ISY1: variants seen among roughly 807,000 people sequenced by gnomAD.
ISY1 encodes pre-mRNA-splicing factor ISY1 homolog.
ISY1 carries 12 observed loss-of-function variants against 54.4 expected under a neutral mutation model. The ratio of observed to expected loss-of-function variants is 0.22; its 90% confidence interval spans 0.14 to 0.36. The LOEUF (loss-of-function observed/expected upper bound fraction) is 0.36. ISY1 is among the 10% of genes least tolerant of loss of function. The probability of loss-of-function intolerance (pLI) is 1.00; values close to 1 mark genes in which losing one functional copy is unlikely to be tolerated. For missense variants in ISY1, 282 were observed against 342.2 expected (o/e 0.82, Z 1.39); for synonymous variants, 96 against 117.9 (o/e 0.81, Z 1.20).
rs1254112986 is a variant in ISY1 at position 129,160,348 on chromosome 3, T to C, written c.3+625A>G. 5.9e-5 allele frequency among the ~76,000 whole-genome samples: 9 copies of C among 152,210 alleles called. No homozygotes were observed. In the East Asian group the frequency reaches 1.7e-3, roughly 29 times the overall value. On this transcript the variant is annotated intron_variant, in intron 1 of 10. Transcript: ENST00000393295. ...GTACCAATCATCTTTGTACCGGCAC[T>C]ACGTGTATTCTTAAATTTACACGTC...
intron 5 of ISY1, among the ~76,000 whole-genome samples, chr3:129,152,561 G>A (rs185260565): frequency 2.5e-4 from 38 of 152,106 alleles, no homozygotes; most frequent in African/African-American, 7.9e-4. Context: ...CTGCCACCAC[G>A]CCCGGCTAAT....
At chr3:129,150,659 G>C (rs1378903114) in intron 5 of ISY1, among the ~76,000 whole-genome samples, 2 of 151,910 alleles carry the variant, frequency 1.3e-5, no homozygotes, top group Non-Finnish European at 2.9e-5. Context: ...CTTGCAGTGA[G>C]CTGCACTCCA....
intron 6 of ISY1, among the ~76,000 whole-genome samples, chr3:129,141,291 C>A (rs906477115): frequency 3.0e-4 from 45 of 151,810 alleles, no homozygotes; most frequent in African/African-American, 1.1e-3. Flanking sequence ...CTCTGGGACA[C>A]CAAGGTGGGA....
At chr3:129,157,842 AC>A in intron 3 of ISY1, among the ~76,000 whole-genome samples, 1 of 151,962 alleles carries the variant, frequency 6.6e-6, no homozygotes, top group East Asian at 1.9e-4. Flanking sequence ...AAGTGTACAG[AC>A]TCTCAAGAGC....
intron 9 of ISY1, 77 bp downstream of exon 9, chr3:129,133,995 GGA>G: frequency 6.3e-7 from 1 of 1,591,848 alleles, no homozygotes; most frequent in South Asian, 1.1e-5. Flanking sequence ...TCTGTATTTG[GGA>G]GCCAAGTTTC....
intron 6 of ISY1, among the ~76,000 whole-genome samples, chr3:129,142,230 T>C (rs1490349249): frequency 2.0e-5 from 3 of 149,620 alleles, no homozygotes; most frequent in African/African-American, 7.4e-5. Context: ...AAAAAGACGA[T>C]TTGACAACTA....
chr3:129,157,716 C>CA (rs1265760940), intron 3 of ISY1, among the ~76,000 whole-genome samples: 13,603 of 41,590 alleles, frequency 0.33, 1,548 homozygotes, highest in Non-Finnish European at 0.38. Context: ...GCGTCCATCT[C>CA]AAAAAAAAAA....
rs763141383 is a variant in ISY1 at position 129,134,930 on chromosome 3, C to T, written c.443G>A (p.Arg148His). 17 of 1,609,460 alleles carry T rather than the reference C, an allele frequency of 1.1e-5. No homozygotes were observed. The highest frequency in any genetic ancestry group is 1.3e-5 in the African/African-American group (1 of 74,896). Reference sequence around the variant, plus strand: ...ATCGATTGCCTTCATGAGCTCAGCACGTGTCTTTCTGGGAGGAGGAAGAGC... The same window carrying T: ...ATCGATTGCCTTCATGAGCTCAGCATGTGTCTTTCTGGGAGGAGGAAGAGC... ...KEPLPPPRKT[R>H]AELMKAIDFE... The change falls in exon 8 of 11, where the codon CGT becomes CAT. Residue 148 changes from arginine (R) to histidine (H), a missense_variant. Physicochemically the swap from Arg to His is conservative, Grantham distance 29. This residue lies in a region of ISY1 where 279 missense variants were observed against 323.6 expected (regional missense o/e 0.86). Coordinates refer to ENST00000393295, the MANE Select transcript of ISY1 (RefSeq NM_020701.4).
chr3:129,143,551 A>G (rs1012804904), intron 6 of ISY1, among the ~76,000 whole-genome samples: 17 of 151,252 alleles, frequency 1.1e-4, no homozygotes, highest in African/African-American at 2.2e-4. Context: ...AACAATATAC[A>G]TATCTATCAT....
intron 5 of ISY1, among the ~76,000 whole-genome samples, chr3:129,147,616 T>A (rs1429798428): frequency 1.3e-5 from 2 of 151,842 alleles, no homozygotes; most frequent in Admixed American, 6.6e-5. Flanking sequence ...ACAAGTTTTA[T>A]TTTTTTTATT....
rs1368280197 is a variant in ISY1 at position 129,129,970 on chromosome 3, A to C, written c.*111T>G. On this transcript the variant is annotated 3_prime_UTR_variant, in exon 11 of 11. Coordinates refer to ENST00000393295, the MANE Select transcript of ISY1 (RefSeq NM_020701.4). ...CAACATGAGACAAGGAGAGGGAAGG[A>C]AGGCTGAGAATGGGGCAGGAGCCCT... is the stretch of plus-strand genomic sequence containing the variant. 3 of 775,846 alleles carry C rather than the reference A, an allele frequency of 3.9e-6. No individual in the cohort carries two copies. The highest frequency in any genetic ancestry group is 6.1e-6 in the Non-Finnish European group (3 of 490,984). The allele number at this position is 775,846 out of a possible 1,614,324, so 48.1% of individuals were successfully genotyped here. A position where few individuals can be genotyped will look rare whatever the true frequency, so the allele number is the denominator to read the frequency against.
intron 5 of ISY1, among the ~76,000 whole-genome samples, chr3:129,151,040 T>C (rs1936950801): frequency 6.6e-6 from 1 of 150,936 alleles, no homozygotes; most frequent in Non-Finnish European, 1.5e-5. Flanking sequence ...CAGAATAGCT[T>C]GAACCTGGGA....
chr3:129,153,722 G>C (rs1295162052), intron 5 of ISY1, among the ~76,000 whole-genome samples: 2 of 152,078 alleles, frequency 1.3e-5, no homozygotes, highest in Admixed American at 6.6e-5. Flanking sequence ...GGAGGCAGAG[G>C]CTGCGGTGAG....
chr3:129,160,398 G>A (rs1576897324), intron 1 of ISY1, among the ~76,000 whole-genome samples: 1 of 151,718 alleles, frequency 6.6e-6, no homozygotes, highest in South Asian at 2.1e-4. Flanking sequence ...AAGAAATGAA[G>A]AAACCAACAA....
At chr3:129,158,060 T>C (rs1352059989) in intron 3 of ISY1, among the ~76,000 whole-genome samples, 1 of 151,986 alleles carries the variant, frequency 6.6e-6, no homozygotes, top group South Asian at 2.1e-4. Flanking sequence ...GGTTTCACCA[T>C]GTTAGCCAGG....
intron 7 of ISY1, 141 bp downstream of exon 7, chr3:129,140,227 G>T (rs1936566038): frequency 1.3e-6 from 1 of 754,246 alleles, no homozygotes; most frequent in Non-Finnish European, 2.1e-6. Flanking sequence ...AGAATTCTCA[G>T]TTAAAATCTG....
chr3:129,140,008 G>A (rs142336484), intron 7 of ISY1, among the ~76,000 whole-genome samples: 4 of 152,288 alleles, frequency 2.6e-5, no homozygotes, highest in Non-Finnish European at 4.4e-5. Flanking sequence ...GTTATCATTT[G>A]TTCAACTAAT....
At position 129,137,164 on chromosome 3, in the gene ISY1, C is replaced by T. The variant is rs1012447624; in HGVS notation, c.419-2210G>A. On this transcript the variant is annotated intron_variant, in intron 7 of 10. Transcript: ENST00000393295. ...CCGCCCGCCTCAGCCTCCCAAAGTG[C>T]TGGGATTACAGGCATGAGCCACCGC... 2.1e-4 allele frequency: 131 copies of T among 616,196 alleles called. No homozygotes were observed. The highest frequency in any genetic ancestry group is 2.7e-4 in the Non-Finnish European group (131 of 491,740). The allele number at this position is 616,196 out of a possible 1,614,324, so 38.2% of individuals were successfully genotyped here.
intron 8 of ISY1, 39 bp downstream of exon 8, chr3:129,134,793 G>C: frequency 1.9e-6 from 3 of 1,574,666 alleles, no homozygotes; most frequent in South Asian, 1.1e-5. Flanking sequence ...ACAGAAAACA[G>C]ATGCCATCTA....
Sources: allele counts gnomAD v4.1 joint callset (sites outside exome capture counted in the v4.1 genomes callset), GRCh38; gene constraint gnomAD v4.1.1; regional missense constraint gnomAD v4.1.1; transcripts MANE v1.5; gene names NCBI Gene and HGNC (gene_info 2026-07-23, HGNC 2026-07-21).